CUL3: variants seen among roughly 807,000 people sequenced by gnomAD.
CUL3 encodes the protein cullin 3, also known as cullin-3.
Under a neutral mutation model 89.1 loss-of-function variants are expected in CUL3, and 19 were observed. That is an observed-to-expected ratio of 0.21 (90% confidence interval 0.15 to 0.31). The LOEUF (loss-of-function observed/expected upper bound fraction) is 0.31. Among genes scored for constraint, CUL3 ranks in the 10% least tolerant of loss-of-function variants. The pLI, the probability that CUL3 is intolerant of heterozygous loss-of-function variation, is 1.00. For missense variants in CUL3, 469 were observed against 942.3 expected (o/e 0.50, Z 6.58); for synonymous variants, 351 against 308.4 (o/e 1.14, Z -1.45).
intron 3 of CUL3, among the ~76,000 whole-genome samples, chr2:224,524,730 T>C (rs1559172838): frequency 1.3e-5 from 2 of 152,048 alleles, no homozygotes; most frequent in African/African-American, 2.4e-5. Flanking sequence ...GCCTCCACAA[T>C]TTTTCACAAA....
At chr2:224,539,657 T>C (rs188396855) in intron 2 of CUL3, among the ~76,000 whole-genome samples, 58 of 152,080 alleles carry the variant, frequency 3.8e-4, no homozygotes, top group South Asian at 2.5e-3. Context: ...TGAAGAGATA[T>C]AGAGATAACT....
chr2:224,522,872 A>G (rs1693320999), intron 3 of CUL3, among the ~76,000 whole-genome samples: 1 of 151,998 alleles, frequency 6.6e-6, no homozygotes, highest in Admixed American at 6.6e-5. Context: ...TTAACAAGAA[A>G]AACACAGTTG....
At chr2:224,553,797 T>C (rs1347270518) in intron 2 of CUL3, among the ~76,000 whole-genome samples, 2 of 152,202 alleles carry the variant, frequency 1.3e-5, no homozygotes, top group African/African-American at 2.4e-5. Flanking sequence ...TGCAAGCACC[T>C]TGATCTTGGA....
intron 3 of CUL3, among the ~76,000 whole-genome samples, chr2:224,517,991 G>T (rs1012525573): frequency 6.6e-6 from 1 of 151,814 alleles, no homozygotes; most frequent in Non-Finnish European, 1.5e-5. Context: ...AGTACAATTC[G>T]AATACACAGG....
At chr2:224,574,873 G>A (rs1481481328) in intron 1 of CUL3, among the ~76,000 whole-genome samples, 2 of 152,122 alleles carry the variant, frequency 1.3e-5, no homozygotes, top group Non-Finnish European at 2.9e-5. Context: ...TCAACATTGT[G>A]TACTATATGC....
intron 10 of CUL3, 146 bp from the exon 11 acceptor site, chr2:224,500,633 T>TA (rs1453391995): frequency 1.3e-6 from 1 of 760,590 alleles, no homozygotes; most frequent in Non-Finnish European, 1.9e-6. Flanking sequence ...TTTTCTTTTT[T>TA]TTTTTTTTTT....
At chr2:224,515,043 C>CA (rs1692988910) in intron 3 of CUL3, among the ~76,000 whole-genome samples, 2 of 152,076 alleles carry the variant, frequency 1.3e-5, no homozygotes, top group South Asian at 4.2e-4. Context: ...AAGAAAAAAA[C>CA]AGAGTAAAAA....
chr2:224,526,518 G>A (rs761261926), intron 3 of CUL3, among the ~76,000 whole-genome samples: 2 of 142,778 alleles, frequency 1.4e-5, no homozygotes, highest in South Asian at 2.2e-4. Flanking sequence ...CCCAGGAGGC[G>A]AAGGCTGCAG....
chr2:224,558,575 A>G (rs967515704), intron 1 of CUL3, among the ~76,000 whole-genome samples: 2 of 152,240 alleles, frequency 1.3e-5, no homozygotes, highest in Non-Finnish European at 2.9e-5. Context: ...GAAGTATAGC[A>G]TAAGGACCAG....
At chr2:224,545,759 T>C (rs1694270763) in intron 2 of CUL3, among the ~76,000 whole-genome samples, 1 of 152,090 alleles carries the variant, frequency 6.6e-6, no homozygotes, top group Non-Finnish European at 1.5e-5. Flanking sequence ...TCAAATGACC[T>C]CAATACAAAG....
At chr2:224,533,403 A>G (rs941137141) in intron 3 of CUL3, among the ~76,000 whole-genome samples, 1 of 152,154 alleles carries the variant, frequency 6.6e-6, no homozygotes, top group Non-Finnish European at 1.5e-5. Context: ...GGGTGAACTA[A>G]TTAACTTCTT....
At chr2:224,539,717 T>C (rs1282241669) in intron 2 of CUL3, among the ~76,000 whole-genome samples, 1 of 151,790 alleles carries the variant, frequency 6.6e-6, no homozygotes, top group Non-Finnish European at 1.5e-5. Context: ...GGGTATATAC[T>C]GTATGATCCA....
chr2:224,540,233 T>G (rs1694051984), intron 2 of CUL3, among the ~76,000 whole-genome samples: 3 of 152,026 alleles, frequency 2.0e-5, no homozygotes, highest in African/African-American at 7.2e-5. Flanking sequence ...ATTTTTGTAT[T>G]TTTAGTAGAG....
chr2:224,473,340 T>C lies in CUL3; in HGVS notation c.*905A>G, dbSNP rs764172604. ...ACAAAGTATAGACTGTATGTGCTTT[T>C]CAGAGGGGCTGAATTAAATATAACC... is the stretch of plus-strand genomic sequence containing the variant. On this transcript the variant is annotated 3_prime_UTR_variant, in exon 16 of 16. Coordinates refer to ENST00000264414, the MANE Select transcript of CUL3 (RefSeq NM_003590.5). 1.5e-5 allele frequency: 3 copies of C among 194,168 alleles called. No homozygotes were observed. The highest frequency in any genetic ancestry group is 3.2e-5 in the Non-Finnish European group (3 of 92,958). 12.0% of individuals were successfully genotyped at this position (194,168 alleles called of 1,614,324 possible).
rs2106202477 is a variant in CUL3 at position 224,505,943 on chromosome 2, C to A, written c.1206+13G>T. ...TAAAATTAAATGTTATTTTCAAATG[C>A]ATTACTACTTACCCCTTTGACTCCC... On this transcript the variant is annotated intron_variant, in intron 8 of 15. Transcript: ENST00000264414. 1 of 1,481,538 alleles carries A rather than the reference C, an allele frequency of 6.7e-7. No homozygotes were observed. The highest frequency in any genetic ancestry group is 9.2e-7 in the Non-Finnish European group (1 of 1,090,802). The allele number at this position is 1,481,538 out of a possible 1,614,324, so 91.8% of individuals were successfully genotyped here.
intron 2 of CUL3, among the ~76,000 whole-genome samples, chr2:224,542,413 G>A (rs1419781486): frequency 6.6e-6 from 1 of 152,000 alleles, no homozygotes; most frequent in Non-Finnish European, 1.5e-5. Context: ...GCAGCCTCAA[G>A]CTCCTGGGCA....
intron 6 of CUL3, among the ~76,000 whole-genome samples, chr2:224,510,340 G>A (rs556806368): frequency 9.2e-4 from 138 of 150,692 alleles, no homozygotes; most frequent in Non-Finnish European, 1.8e-3. Context: ...ACTTTTCAGG[G>A]ATTTCTCATA....
rs763791233 is a variant in CUL3, at chr2:224,495,818, A to G, written c.1842+14T>C. On this transcript the variant is annotated intron_variant, in intron 13 of 15. Transcript: ENST00000264414. Reference sequence around the variant, plus strand: ...AAACAACACAGTTAAAATGTATATAACCACAATCCATACCTCAAATGTGTA... The same window carrying G: ...AAACAACACAGTTAAAATGTATATAGCCACAATCCATACCTCAAATGTGTA... 6.3e-7 allele frequency: 1 copy of G among 1,596,264 alleles called. No individual in the cohort carries two copies. Among genetic ancestry groups the G allele is most frequent in the South Asian group, 1.1e-5 (1 of 89,250 alleles).
At chr2:224,524,203 C>G (rs143788642) in intron 3 of CUL3, among the ~76,000 whole-genome samples, 2 of 152,092 alleles carry the variant, frequency 1.3e-5, no homozygotes, top group South Asian at 4.1e-4. Context: ...GAGCCCCATA[C>G]CAGCCTTCAC....
Sources: allele counts gnomAD v4.1 joint callset (sites outside exome capture counted in the v4.1 genomes callset), GRCh38; gene constraint gnomAD v4.1.1; transcripts MANE v1.5; gene names NCBI Gene and HGNC (gene_info 2026-07-23, HGNC 2026-07-21).